FOXP2: variants seen among roughly 807,000 people sequenced by gnomAD.
FOXP2 encodes forkhead box protein P2.
A neutral mutation model predicts 115.8 loss-of-function variants in FOXP2; 12 were observed. The observed-to-expected ratio is 0.10, with a 90% CI of 0.07 to 0.17. FOXP2 has a LOEUF of 0.17. Ranked by LOEUF, FOXP2 falls within the 10% of genes least tolerant of loss-of-function variation. The pLI is 1.00. For missense variants in FOXP2, 629 were observed against 843.5 expected (o/e 0.75, Z 3.15); for synonymous variants, 328 against 297.7 (o/e 1.10, Z -1.05).
At chr7:114,224,073 A>G (rs1794688442) in intron 1 of FOXP2, among the ~76,000 whole-genome samples, 1 of 152,080 alleles carries the variant, frequency 6.6e-6, no homozygotes, top group Admixed American at 6.6e-5. Context: ...TGATTTGGGC[A>G]CCGTTTTGAA....
chr7:114,517,636 A>T (rs1186358267), intron 2 of FOXP2, among the ~76,000 whole-genome samples: 1 of 152,106 alleles, frequency 6.6e-6, no homozygotes, highest in East Asian at 1.9e-4. Context: ...ACTGACTGTA[A>T]GTGCATGGAT....
chr7:114,488,923 A>G (rs1371198468), intron 2 of FOXP2, among the ~76,000 whole-genome samples: 1 of 152,176 alleles, frequency 6.6e-6, no homozygotes, highest in Non-Finnish European at 1.5e-5. Context: ...TAAGAAAACA[A>G]TACTGTGAAA....
intron 6 of FOXP2, among the ~76,000 whole-genome samples, chr7:114,634,210 G>A (rs1805086625): frequency 6.6e-6 from 1 of 151,958 alleles, no homozygotes. Context: ...TGACCAGGCT[G>A]GTCTCTAACC....
intron 2 of FOXP2, among the ~76,000 whole-genome samples, chr7:114,371,579 TTTG>T (rs1792009840): frequency 6.6e-6 from 1 of 152,160 alleles, no homozygotes; most frequent in Non-Finnish European, 1.5e-5. Context: ...TTGGATTATA[TTTG>T]TTATTACCCA....
In FOXP2 at chr7:114,689,950, G is replaced by A. The variant is rs375517965; in HGVS notation, c.*24G>A. Reference sequence around the variant, plus strand: ...GAGAACTGACTTGTGAAACCTCAGCGTGAAGGGACATATCACTGACCTTCA... The same window carrying A: ...GAGAACTGACTTGTGAAACCTCAGCATGAAGGGACATATCACTGACCTTCA... On this transcript the variant is annotated 3_prime_UTR_variant, in exon 17 of 17. Coordinates refer to ENST00000350908, the MANE Select transcript of FOXP2 (RefSeq NM_014491.4). 27 of 1,611,750 alleles carry A rather than the reference G, an allele frequency of 1.7e-5. No individual in the cohort carries two copies. The highest frequency in any genetic ancestry group is 1.7e-4 in the Middle Eastern group (1 of 6,050).
chr7:114,422,586 A>G (rs1043393003), intron 1 of FOXP2, among the ~76,000 whole-genome samples: 1 of 151,672 alleles, frequency 6.6e-6, no homozygotes, highest in Non-Finnish European at 1.5e-5. Context: ...GTGGAGTGGA[A>G]AAGAGATAGG....
intron 3 of FOXP2, among the ~76,000 whole-genome samples, chr7:114,581,045 C>A (rs1029768651): frequency 8.1e-5 from 12 of 147,508 alleles, no homozygotes; most frequent in Middle Eastern, 3.4e-3. Flanking sequence ...CAGTCAAAGG[C>A]CAATAGAAGA....
At chr7:114,426,812 C>T (rs1562919678) in intron 2 of FOXP2, 133 bp downstream of exon 2, 1 of 993,498 alleles carries the variant, frequency 1.0e-6, no homozygotes, top group African/African-American at 1.6e-5. Context: ...TTATTTGGAA[C>T]ATGATTGAAG....
intron 1 of FOXP2, among the ~76,000 whole-genome samples, chr7:114,212,674 C>T (rs1217218941): frequency 1.3e-5 from 2 of 152,080 alleles, no homozygotes; most frequent in South Asian, 4.1e-4. Context: ...TTTTACCCTG[C>T]CTCTTTCTAG....
intron 1 of FOXP2, among the ~76,000 whole-genome samples, chr7:114,177,177 C>T (rs1460636399): frequency 1.3e-5 from 2 of 152,132 alleles, no homozygotes; most frequent in Non-Finnish European, 2.9e-5. Context: ...ACATCTTTTA[C>T]ATGTTACATT....
chr7:114,364,976 G>A (rs538222736), intron 2 of FOXP2, among the ~76,000 whole-genome samples: 1 of 152,098 alleles, frequency 6.6e-6, no homozygotes, highest in East Asian at 1.9e-4. Flanking sequence ...TTTCAAAAAG[G>A]GTGCTTAATA....
intron 2 of FOXP2, among the ~76,000 whole-genome samples, chr7:114,320,089 ATACTC>A (rs1297132368): frequency 1.8e-5 from 2 of 113,198 alleles, no homozygotes; most frequent in East Asian, 2.6e-4. Flanking sequence ...ATTCCCATAT[ATACTC>A]ATAATATATG....
Position 114,692,761 on chromosome 7 carries a change from T to C in FOXP2, c.*2835T>C, listed in dbSNP as rs1258995504. 3.8e-5 allele frequency: 17 copies of C among 443,178 alleles called. No homozygotes were observed. The highest frequency in any genetic ancestry group is 6.3e-5 in the Non-Finnish European group (14 of 222,158). 27.5% of individuals were successfully genotyped at this position (443,178 alleles called of 1,614,324 possible). On this transcript the variant is annotated 3_prime_UTR_variant, in exon 17 of 17. Transcript: ENST00000350908. The stretch of plus-strand genomic sequence containing the variant: ...TGATTATGGGGACTATGATCTTTTG[T>C]ATACAGCAAATTTTAAACTGTAGCA...
chr7:114,107,942 G>A (rs1438772034), intron 1 of FOXP2, among the ~76,000 whole-genome samples: 1 of 151,642 alleles, frequency 6.6e-6, no homozygotes, highest in Non-Finnish European at 1.5e-5. Flanking sequence ...GTCAATATAT[G>A]GTAAAAAATG....
intron 1 of FOXP2, among the ~76,000 whole-genome samples, chr7:114,423,356 C>T (rs1793699763): frequency 6.6e-6 from 1 of 151,466 alleles, no homozygotes; most frequent in South Asian, 2.1e-4. Flanking sequence ...AGTATCTGTA[C>T]AGTGACTTGC....
intron 3 of FOXP2, among the ~76,000 whole-genome samples, chr7:114,612,413 G>A (rs1803682203): frequency 1.3e-5 from 2 of 151,634 alleles, no homozygotes; most frequent in Admixed American, 1.3e-4. Context: ...GTGTATATAT[G>A]GGATTTTTAA....
intron 2 of FOXP2, among the ~76,000 whole-genome samples, chr7:114,475,388 T>G (rs575211468): frequency 6.3e-4 from 96 of 152,188 alleles, no homozygotes; most frequent in African/African-American, 2.2e-3. Flanking sequence ...AATTTGTGAA[T>G]CATATATTAA....
intron 1 of FOXP2, among the ~76,000 whole-genome samples, chr7:114,198,657 G>C (rs894238193): frequency 1.9e-4 from 29 of 152,180 alleles, no homozygotes; most frequent in African/African-American, 7.0e-4. Flanking sequence ...ATGTGGCCCA[G>C]TTCCTAACAG....
At chr7:114,132,572 TGTGTGTGTGTGAGAGA>T (rs1199576417) in intron 1 of FOXP2, among the ~76,000 whole-genome samples, 1 of 123,064 alleles carries the variant, frequency 8.1e-6, no homozygotes, top group African/African-American at 3.3e-5. Flanking sequence ...TGTGTGTGTG[TGTGTGTGTGTGAGAGA>T]GAGAGAGAGA....
Sources: allele counts gnomAD v4.1 joint callset (sites outside exome capture counted in the v4.1 genomes callset), GRCh38; gene constraint gnomAD v4.1.1; transcripts MANE v1.5; gene names NCBI Gene and HGNC (gene_info 2026-07-23, HGNC 2026-07-21).